EHBP1: variants seen among roughly 807,000 people sequenced by gnomAD.
EHBP1 encodes the protein EH domain-binding protein 1.
A neutral mutation model predicts 144.0 loss-of-function variants in EHBP1; 55 were observed. The ratio of observed to expected loss-of-function variants is 0.38; its 90% CI spans 0.31 to 0.48. The LOEUF is 0.48. Ranked by LOEUF, EHBP1 falls within the 20% of genes least tolerant of loss-of-function variation. The pLI, the probability that EHBP1 is intolerant of heterozygous loss-of-function variation, is 0.98. For synonymous variants in EHBP1, 469 were observed against 472.7 expected, an observed-to-expected ratio of 0.99 and a Z score of 0.10; for missense variants, 1,200 against 1,364.2, an observed-to-expected ratio of 0.88 and a Z score of 1.90.
At chr2:62,707,341 A>T in intron 2 of EHBP1, 46 bp downstream of exon 2, 3 of 1,415,852 alleles carry the variant, frequency 2.1e-6, no homozygotes, top group Non-Finnish European at 2.0e-6. Context: ...TGGCCTAAGC[A>T]TACTGTGGCC....
chr2:62,805,844 A>C (rs959413138), intron 5 of EHBP1, among the ~76,000 whole-genome samples: 1 of 152,108 alleles, frequency 6.6e-6, no homozygotes, highest in African/African-American at 2.4e-5. Flanking sequence ...TTTCTTGTAG[A>C]CAATATAAAG....
intron 7 of EHBP1, among the ~76,000 whole-genome samples, chr2:62,843,502 T>A (rs2048069687): frequency 6.6e-6 from 1 of 152,196 alleles, no homozygotes; most frequent in African/African-American, 2.4e-5. Context: ...TAAGTCCTAA[T>A]AAATTCACAA....
chr2:62,918,554 T>G (rs1397145845), intron 10 of EHBP1, among the ~76,000 whole-genome samples: 1 of 152,184 alleles, frequency 6.6e-6, no homozygotes, highest in African/African-American at 2.4e-5. Flanking sequence ...CCCTACATCT[T>G]TTCATCCTCT....
Position 62,681,340 on chromosome 2 carries a change from G to A in EHBP1, c.-296+7257G>A, listed in dbSNP as rs868672040. ...TATATATTTGTATGTATGTGTGTGT[G>A]TATATATATATATATATATAATGTG... On this transcript the variant is annotated intron_variant, in intron 1 of 22. Coordinates refer to the EHBP1 transcript ENST00000405015. 5.3e-3 allele frequency among the ~76,000 whole-genome samples: 308 copies of A among 58,440 alleles called. 1 individual carries two copies. The highest frequency in any genetic ancestry group is 7.1e-3 in the Non-Finnish European group (235 of 33,148). The allele number at this position is 58,440 out of a possible 152,430, so 38.3% of individuals were successfully genotyped here. A position where few individuals can be genotyped will look rare whatever the true frequency, so the allele number is the denominator to read the frequency against.
chr2:62,689,932 G>T (rs904962216), intron 1 of EHBP1, among the ~76,000 whole-genome samples: 1 of 152,174 alleles, frequency 6.6e-6, no homozygotes, highest in African/African-American at 2.4e-5. Flanking sequence ...GAGTTATCAG[G>T]CTTTGTTAGT....
At chr2:62,783,204 C>T (rs1006603072) in intron 5 of EHBP1, among the ~76,000 whole-genome samples, 1 of 152,236 alleles carries the variant, frequency 6.6e-6, no homozygotes, top group Non-Finnish European at 1.5e-5. Flanking sequence ...GGCAGCTCCA[C>T]CTCTGTGGCT....
chr2:62,674,000 A>G, exon 1 of EHBP1: 3 of 471,022 alleles, frequency 6.4e-6, no homozygotes, highest in Admixed American at 4.7e-5. Flanking sequence ...TGTAGCAGCA[A>G]TGTGAGAATC....
intron 3 of EHBP1, among the ~76,000 whole-genome samples, chr2:62,762,986 A>G (rs1028514289): frequency 6.6e-6 from 1 of 152,054 alleles, no homozygotes; most frequent in African/African-American, 2.4e-5. Flanking sequence ...TCTTACTGCT[A>G]TCCTCTTGAC....
intron 19 of EHBP1, among the ~76,000 whole-genome samples, chr2:62,998,014 T>G (rs1410509526): frequency 6.6e-6 from 1 of 152,118 alleles, no homozygotes; most frequent in Admixed American, 6.5e-5. Flanking sequence ...AAAAAGGTTC[T>G]ACTGCTTAAA....
chr2:62,825,638 C>A (rs1258750152), intron 5 of EHBP1, among the ~76,000 whole-genome samples: 2 of 151,370 alleles, frequency 1.3e-5, no homozygotes, highest in Admixed American at 1.3e-4. Context: ...TAGAATGCCA[C>A]CAAGGCTGGA....
chr2:62,821,728 A>G (rs2045995994), intron 5 of EHBP1, among the ~76,000 whole-genome samples: 1 of 152,210 alleles, frequency 6.6e-6, no homozygotes, highest in Admixed American at 6.5e-5. Flanking sequence ...ACTAACAGTT[A>G]TGCCATTGAA....
chr2:63,044,179 A>G (rs191633435), intron 21 of EHBP1: 23 of 146,290 alleles, frequency 1.6e-4, no homozygotes, highest in Admixed American at 1.2e-3. Context: ...TCCTGTTTCT[A>G]TTAAATGAAA....
intron 2 of EHBP1, among the ~76,000 whole-genome samples, chr2:62,714,615 G>T (rs974506271): frequency 6.6e-6 from 1 of 152,108 alleles, no homozygotes; most frequent in South Asian, 2.1e-4. Context: ...GTAATAAAGG[G>T]GTTAGAACAG....
intron 19 of EHBP1, among the ~76,000 whole-genome samples, chr2:62,997,586 A>G (rs2059692833): frequency 6.6e-6 from 1 of 152,110 alleles, no homozygotes; most frequent in African/African-American, 2.4e-5. Flanking sequence ...TGGAAAATTT[A>G]TTCCTGTAAT....
intron 19 of EHBP1, among the ~76,000 whole-genome samples, chr2:63,033,651 G>C (rs952380703): frequency 1.9e-4 from 29 of 151,838 alleles, no homozygotes; most frequent in Non-Finnish European, 3.2e-4. Context: ...CATAATTTCT[G>C]GTTTTTGACA....
chr2:62,846,091 A>G (rs1331278106), intron 7 of EHBP1, among the ~76,000 whole-genome samples: 1 of 152,224 alleles, frequency 6.6e-6, no homozygotes, highest in Non-Finnish European at 1.5e-5. Flanking sequence ...GTAGCAGAAA[A>G]CACAGACTAT....
chr2:62,990,122 C>A (rs920335790), intron 15 of EHBP1, among the ~76,000 whole-genome samples: 1 of 152,002 alleles, frequency 6.6e-6, no homozygotes, highest in African/African-American at 2.4e-5. Context: ...TACATTAATA[C>A]ATTCCAAAAA....
intron 7 of EHBP1, among the ~76,000 whole-genome samples, chr2:62,839,849 A>G (rs1467719801): frequency 1.3e-5 from 2 of 152,098 alleles, no homozygotes; most frequent in Admixed American, 1.3e-4. Flanking sequence ...GGATACAAAC[A>G]AATGGAAGAA....
At chr2:62,992,495 T>C (rs559595404) in intron 16 of EHBP1, among the ~76,000 whole-genome samples, 1 of 152,200 alleles carries the variant, frequency 6.6e-6, no homozygotes, top group Non-Finnish European at 1.5e-5. Flanking sequence ...ACAGCTTGCC[T>C]TTGTATGATT....
Sources: gnomAD v4.1 joint callset for allele counts (sites outside exome capture counted in the v4.1 genomes callset) on GRCh38, gnomAD v4.1.1 for gene constraint, MANE v1.5 for transcripts, NCBI Gene and HGNC (gene_info 2026-07-23, HGNC 2026-07-21) for gene names.